STAG1: variants seen among roughly 807,000 people sequenced by gnomAD.
STAG1 encodes the protein STAG1 cohesin complex component.
Under a neutral mutation model 170.9 loss-of-function variants are expected in STAG1, and 26 were observed. The ratio of observed to expected loss-of-function variants is 0.15; its 90% confidence interval spans 0.11 to 0.21. The LOEUF is 0.21. STAG1 is among the 10% of genes least tolerant of loss of function. The pLI, the probability that STAG1 is intolerant of heterozygous loss-of-function variation, is 1.00. For missense variants in STAG1, 964 were observed against 1,509.5 expected (o/e 0.64, Z 5.99); for synonymous variants, 514 against 497.7 (o/e 1.03, Z -0.44).
intron 3 of STAG1, among the ~76,000 whole-genome samples, chr3:136,608,344 C>T (rs1422184117): frequency 6.6e-6 from 1 of 150,454 alleles, no homozygotes; most frequent in Non-Finnish European, 1.5e-5. Context: ...GAGTTCCAGA[C>T]CAGCCTGAGC....
At chr3:136,710,639 G>A (rs1422528821) in intron 1 of STAG1, among the ~76,000 whole-genome samples, 1 of 151,826 alleles carries the variant, frequency 6.6e-6, no homozygotes, top group Non-Finnish European at 1.5e-5. Context: ...TCCAACCATC[G>A]AGCGAAGAAA....
chr3:136,714,957 ATATATATTTTATATATATATTTT>A (rs1383102914), intron 1 of STAG1, among the ~76,000 whole-genome samples: 6 of 70,778 alleles, frequency 8.5e-5, no homozygotes, highest in African/African-American at 2.4e-4. Context: ...ATATATATAT[ATATATATTTTATATATATATTTT>A]TATATATATA....
In STAG1 at chr3:136,639,048, T is replaced by TAAATATATGAGAGAATGCTC. The variant is rs557457213; in HGVS notation, c.-83-8087_-83-8068dup. Among the ~76,000 whole-genome samples the TAAATATATGAGAGAATGCTC allele has an allele frequency of 8.6e-5, 13 of 152,014 alleles. No individual in the cohort carries two copies. The East Asian group carries it at 2.3e-3, about 27-fold the overall frequency. Reference sequence around the variant, plus strand: ...TGCCTTATCCTAAATCACCCTGCACTAAATATATGAGAGAATGCTCACACA... The same window carrying TAAATATATGAGAGAATGCTC: ...TGCCTTATCCTAAATCACCCTGCACTAAATATATGAGAGAATGCTCAAATATATGAGAGAATGCTCACACA... On this transcript the variant is annotated intron_variant, in intron 1 of 33. Transcript: ENST00000383202.
chr3:136,457,373 T>TA (rs1335882481), intron 13 of STAG1, among the ~76,000 whole-genome samples: 2 of 152,134 alleles, frequency 1.3e-5, no homozygotes, highest in Non-Finnish European at 2.9e-5. Context: ...AAGAAAATAG[T>TA]AAACTGTCAC....
At chr3:136,747,664 A>G (rs181434701) in intron 1 of STAG1, among the ~76,000 whole-genome samples, 2 of 152,178 alleles carry the variant, frequency 1.3e-5, no homozygotes, top group African/African-American at 4.8e-5. Context: ...TGAGTGACAG[A>G]GAGAGACCCT....
At chr3:136,618,763 A>T (rs1939708092) in intron 3 of STAG1, among the ~76,000 whole-genome samples, 1 of 143,010 alleles carries the variant, frequency 7.0e-6, no homozygotes, top group Admixed American at 7.6e-5. Flanking sequence ...TGAGATGTAT[A>T]GATATCATTC....
At chr3:136,498,894 G>A (rs1263281062) in intron 9 of STAG1, among the ~76,000 whole-genome samples, 2 of 152,104 alleles carry the variant, frequency 1.3e-5, no homozygotes, top group African/African-American at 4.8e-5. Flanking sequence ...AAATGTTTAA[G>A]TTCCATTAAA....
chr3:136,649,503 C>CAAAAAAAAAAAAAAAAAA (rs761067087), intron 1 of STAG1, among the ~76,000 whole-genome samples: 75 of 70,356 alleles, frequency 1.1e-3, no homozygotes, highest in Non-Finnish European at 1.3e-3. Flanking sequence ...AAAACAGAAA[C>CAAAAAAAAAAAAAAAAAA]AAAAAAAAAA....
rs533062393 is a variant in STAG1, at chr3:136,464,855, C to A, written c.1313+26G>T. 4 of 1,569,970 alleles carry A rather than the reference C, an allele frequency of 2.5e-6. No homozygotes were observed. The East Asian group carries it at 9.0e-5, about 35-fold the overall frequency. ...AAGAAAACAACATAGAAAAGTAGAA[C>A]CGGTTTTCAAAGATAATTAGCTCAC... On this transcript the variant is annotated intron_variant, in intron 13 of 33. Coordinates refer to ENST00000383202, the MANE Select transcript of STAG1 (RefSeq NM_005862.3).
intron 14 of STAG1, among the ~76,000 whole-genome samples, chr3:136,444,088 T>G (rs2088707954): frequency 6.6e-6 from 1 of 152,146 alleles, no homozygotes; most frequent in South Asian, 2.1e-4. Flanking sequence ...CTTTTTTTTT[T>G]TTTGAGATGG....
intron 9 of STAG1, among the ~76,000 whole-genome samples, chr3:136,485,595 A>C (rs17364492): frequency 0.2 from 30,070 of 152,226 alleles, 3,272 homozygotes; most frequent in Non-Finnish European, 0.24. Flanking sequence ...GGGACAATAT[A>C]ATGAATAACT....
At position 136,452,008 on chromosome 3, in the gene STAG1, G is replaced by A. The variant is rs1687494428; in HGVS notation, c.1428+25C>T. ...AAATGTAATATAATAAAAGAAATAA[G>A]GAATTATCTTAAAACATTTTTTACC... On this transcript the variant is annotated intron_variant, in intron 14 of 33. Transcript: ENST00000383202. 2.9e-6 allele frequency: 4 copies of A among 1,400,664 alleles called. No homozygotes were observed. In the Admixed American group the frequency reaches 6.1e-5, roughly 21 times the overall value. 86.8% of individuals were successfully genotyped at this position (1,400,664 alleles called of 1,614,324 possible).
intron 8 of STAG1, among the ~76,000 whole-genome samples, 191 bp from the exon 9 acceptor site, chr3:136,500,487 G>T (rs761739243): frequency 6.6e-6 from 1 of 152,034 alleles, no homozygotes; most frequent in Non-Finnish European, 1.5e-5. Flanking sequence ...ATTGGTTTTA[G>T]AACTTTTCAC....
intron 5 of STAG1, among the ~76,000 whole-genome samples, chr3:136,552,138 C>A (rs1481786113): frequency 6.6e-6 from 1 of 152,062 alleles, no homozygotes; most frequent in African/African-American, 2.4e-5. Context: ...AAAACCATGA[C>A]AATAATAAGC....
At chr3:136,620,934 G>A (rs1939817473) in intron 3 of STAG1, among the ~76,000 whole-genome samples, 2 of 151,946 alleles carry the variant, frequency 1.3e-5, no homozygotes, top group African/African-American at 4.8e-5. Context: ...CATCAAAAAA[G>A]CACAACATTG....
At chr3:136,634,975 G>T (rs529439911) in intron 1 of STAG1, among the ~76,000 whole-genome samples, 1 of 152,064 alleles carries the variant, frequency 6.6e-6, no homozygotes, top group African/African-American at 2.4e-5. Flanking sequence ...GAACTATAAC[G>T]AGACACTGAA....
chr3:136,416,905 G>A (rs1276815097), intron 21 of STAG1, among the ~76,000 whole-genome samples: 2 of 149,814 alleles, frequency 1.3e-5, no homozygotes, highest in East Asian at 3.9e-4. Context: ...AAGTGCAGTG[G>A]CACCATCTTG....
intron 1 of STAG1, among the ~76,000 whole-genome samples, chr3:136,633,052 G>C (rs925306204): frequency 2.0e-4 from 31 of 152,044 alleles, no homozygotes; most frequent in African/African-American, 7.5e-4. Flanking sequence ...GATGACTATA[G>C]ATTTTAACAG....
At position 136,585,618 on chromosome 3, in the gene STAG1, A is replaced by T. The variant is rs183277304; in HGVS notation, c.298-16757T>A. ...AAATAATAATAATAATAATAATAAT[A>T]AAAAAATAAAATTAATCAATTCCAA... On this transcript the variant is annotated intron_variant, in intron 4 of 33. Transcript: ENST00000383202. 4.0e-5 allele frequency among the ~76,000 whole-genome samples: 6 copies of T among 151,542 alleles called. No homozygotes were observed. In the East Asian group the frequency reaches 1.2e-3, roughly 29 times the overall value.
Sources: allele counts gnomAD v4.1 joint callset (sites outside exome capture counted in the v4.1 genomes callset), GRCh38; gene constraint gnomAD v4.1.1; transcripts MANE v1.5; gene names NCBI Gene and HGNC (gene_info 2026-07-23, HGNC 2026-07-21).